The following MAD1L1 variants were observed in gnomAD, a reference collection of about 807,000 sequenced individuals.
MAD1L1 encodes mitotic arrest deficient 1 like 1, also known as mitotic spindle assembly checkpoint protein MAD1.
MAD1L1 carries 95 observed loss-of-function variants against 96.9 expected under a neutral mutation model. The ratio of observed to expected loss-of-function variants is 0.98; its 90% CI spans 0.83 to 1.16. The LOEUF is 1.16. Among genes scored for constraint, MAD1L1 ranks in the 50% most tolerant of loss-of-function variants. The pLI, the probability that MAD1L1 is intolerant of heterozygous loss-of-function variation, is 0.00. For synonymous variants in MAD1L1, 473 were observed against 396.6 expected (o/e 1.19, Z -2.29); for missense variants, 1,007 against 954.4 (o/e 1.06, Z -0.73).
rs1309245884 is a variant in MAD1L1 at position 2,192,893 on chromosome 7, G to A, written c.986+20319C>T. ...TTAGTTTTAATCAGATTTTAACAAG[G>A]ATATTAAGTCCATTTCGTTTAGAAA... On this transcript the variant is annotated intron_variant, in intron 10 of 18. Transcript: ENST00000265854. 6.6e-5 allele frequency among the ~76,000 whole-genome samples: 10 copies of A among 152,112 alleles called. No homozygotes were observed. The East Asian group carries it at 1.7e-3, about 26-fold the overall frequency.
At chr7:2,006,685 A>G (rs1329792951) in intron 13 of MAD1L1, among the ~76,000 whole-genome samples, 1 of 152,040 alleles carries the variant, frequency 6.6e-6, no homozygotes, top group East Asian at 1.9e-4. Context: ...GAGACAGGAC[A>G]TCACTAAACC....
Position 1,815,823 on chromosome 7 carries a change from G to GTGAGGAACCCA in MAD1L1, c.*236_*246dup, listed in dbSNP as rs1781763521. 1 of 524,876 alleles carries GTGAGGAACCCA rather than the reference G, an allele frequency of 1.9e-6. No individual in the cohort carries two copies. Among genetic ancestry groups the GTGAGGAACCCA allele is most frequent in the South Asian group, 2.5e-5 (1 of 39,556 alleles). 32.5% of individuals were successfully genotyped at this position (524,876 alleles called of 1,614,324 possible). ...AGGGGAGAAGATTTTATTTCACAAG[G>GTGAGGAACCCA]TGAGGAACCCAGGCTGGTGGCCGAC... is the stretch of plus-strand genomic sequence containing the variant. On this transcript the variant is annotated 3_prime_UTR_variant, in exon 19 of 19. Transcript: ENST00000265854.
At chr7:2,023,928 G>C (rs914018246) in intron 12 of MAD1L1, among the ~76,000 whole-genome samples, 9 of 151,878 alleles carry the variant, frequency 5.9e-5, no homozygotes, top group African/African-American at 2.2e-4. Flanking sequence ...CAGCCTGGGA[G>C]ACAGAGCAAG....
At position 2,103,575 on chromosome 7, in the gene MAD1L1, C is replaced by T. The variant is rs1015563330; in HGVS notation, c.1074-34237G>A. Among the ~76,000 whole-genome samples, 6 of 152,174 alleles carry T rather than the reference C, an allele frequency of 3.9e-5. No homozygotes were observed. Among genetic ancestry groups the T allele is most frequent in the African/African-American group, 1.4e-4 (6 of 41,448 alleles). The stretch of plus-strand genomic sequence containing the variant: ...GATGGGCCAGCACTGGGGCAAAGCC[C>T]ACCACCAGGCAGCCCTGGGAGCCCC... On this transcript the variant is annotated intron_variant, in intron 11 of 18. Coordinates refer to ENST00000265854, the MANE Select transcript of MAD1L1 (RefSeq NM_001013836.2). The surrounding 1 kb of genome is among the most constrained non-coding windows in gnomAD (Gnocchi z 4.3).
intron 12 of MAD1L1, among the ~76,000 whole-genome samples, chr7:2,066,347 G>A (rs550402026): frequency 3.9e-5 from 6 of 152,364 alleles, no homozygotes; most frequent in South Asian, 2.1e-4. Context: ...CAGGCACGCC[G>A]CTCCCTCCAG....
At chr7:2,073,149 G>A (rs906468564) in intron 11 of MAD1L1, among the ~76,000 whole-genome samples, 4 of 152,172 alleles carry the variant, frequency 2.6e-5, no homozygotes, top group Non-Finnish European at 4.4e-5. Flanking sequence ...CCCCAAGCCC[G>A]GCCCTCGGCC....
rs1035524211 is a variant in MAD1L1, at chr7:2,128,788, T to G, written c.1073+20364A>C. 2.0e-5 allele frequency among the ~76,000 whole-genome samples: 3 copies of G among 152,154 alleles called. No individual in the cohort carries two copies. The East Asian group carries it at 5.8e-4, about 29-fold the overall frequency. On this transcript the variant is annotated intron_variant, in intron 11 of 18. Coordinates refer to ENST00000265854, the MANE Select transcript of MAD1L1 (RefSeq NM_001013836.2). ...CTGGGACCTGCCCTCAGAAGGTTCA[T>G]TCGGCCACCCTCAAGCCCGTCAGGC...
intron 10 of MAD1L1, among the ~76,000 whole-genome samples, chr7:2,151,168 T>C (rs1789551605): frequency 6.6e-6 from 1 of 152,244 alleles, no homozygotes; most frequent in Non-Finnish European, 1.5e-5. Flanking sequence ...CTGAAACATT[T>C]GAATGAGATA....
intron 17 of MAD1L1, among the ~76,000 whole-genome samples, chr7:1,900,279 G>A (rs1447497581): frequency 6.6e-6 from 1 of 152,262 alleles, no homozygotes. Flanking sequence ...AAGGAGCAGC[G>A]GTGCAGGGAC....
At chr7:2,039,431 C>T (rs2128509825) in intron 12 of MAD1L1, among the ~76,000 whole-genome samples, 1 of 152,266 alleles carries the variant, frequency 6.6e-6, no homozygotes, top group South Asian at 2.1e-4. Flanking sequence ...TTTTAAGAAA[C>T]CCTCGAGCTG....
chr7:2,046,297 T>C (rs1019507287), intron 12 of MAD1L1, among the ~76,000 whole-genome samples: 4 of 152,146 alleles, frequency 2.6e-5, no homozygotes, highest in African/African-American at 7.2e-5. Context: ...CCTTTCAATG[T>C]GCACAGAAAT....
At chr7:2,190,137 T>C (rs543736205) in intron 10 of MAD1L1, among the ~76,000 whole-genome samples, 1 of 152,282 alleles carries the variant, frequency 6.6e-6, no homozygotes, top group South Asian at 2.1e-4. Flanking sequence ...CTGGAGGGCT[T>C]ACTATGTTCT....
intron 10 of MAD1L1, among the ~76,000 whole-genome samples, chr7:2,182,194 C>A (rs943488337): frequency 6.6e-6 from 1 of 151,788 alleles, no homozygotes; most frequent in Non-Finnish European, 1.5e-5. Context: ...TAAAATGTAA[C>A]TGGAAATAAT....
intron 16 of MAD1L1, among the ~76,000 whole-genome samples, chr7:1,949,918 G>A (rs1028042675): frequency 6.6e-6 from 1 of 152,208 alleles, no homozygotes; most frequent in Admixed American, 6.5e-5. Context: ...TGAGGAGCCC[G>A]GACCCCCCAG....
chr7:1,987,511 C>T lies in MAD1L1; in HGVS notation c.1417-6970G>A, dbSNP rs144418003. On this transcript the variant is annotated intron_variant, in intron 14 of 18. Transcript: ENST00000265854. ...AAGCCCCGGAGTCTGCTCTGCTGTCCGCCAATTTGAGAAGCCGTGTAGACA... is the reference window on the plus strand; with the variant it reads ...AAGCCCCGGAGTCTGCTCTGCTGTCTGCCAATTTGAGAAGCCGTGTAGACA... Among the ~76,000 whole-genome samples, 681 of 151,918 alleles carry T rather than the reference C, an allele frequency of 4.5e-3. 9 individuals carry two copies. In the South Asian group the frequency reaches 0.046, roughly 10 times the overall value.
At chr7:1,857,054 C>T (rs11763813) in intron 18 of MAD1L1, among the ~76,000 whole-genome samples, 25,166 of 152,184 alleles carry the variant, frequency 0.17, 2,545 homozygotes, top group South Asian at 0.28. Flanking sequence ...CGAGGAGCTG[C>T]GGGGAGCAGA....
At chr7:1,916,928 C>T (rs1219819762) in intron 17 of MAD1L1, among the ~76,000 whole-genome samples, 1 of 152,190 alleles carries the variant, frequency 6.6e-6, no homozygotes, top group East Asian at 1.9e-4. Flanking sequence ...GACCCTGGCA[C>T]ATCTCCCATG....
chr7:1,928,898 G>A (rs1159070856), intron 17 of MAD1L1, among the ~76,000 whole-genome samples: 1 of 152,190 alleles, frequency 6.6e-6, no homozygotes, highest in Non-Finnish European at 1.5e-5. Context: ...AGCCATTAGG[G>A]CACCTCACTG....
chr7:1,857,251 C>T (rs1784303226), intron 18 of MAD1L1, among the ~76,000 whole-genome samples: 1 of 152,206 alleles, frequency 6.6e-6, no homozygotes, highest in African/African-American at 2.4e-5. Context: ...GGCTGTCCCA[C>T]GTCTCGGGCG....
Sources: allele counts gnomAD v4.1 joint callset (sites outside exome capture counted in the v4.1 genomes callset), GRCh38; gene constraint gnomAD v4.1.1; non-coding constraint Gnocchi (gnomAD v3.1); transcripts MANE v1.5; gene names NCBI Gene and HGNC (gene_info 2026-07-23, HGNC 2026-07-21).